HIBADH: variants seen among roughly 807,000 people sequenced by gnomAD.
HIBADH encodes the protein 3-hydroxyisobutyrate dehydrogenase, mitochondrial.
HIBADH carries 25 observed loss-of-function variants against 36.1 expected under a neutral mutation model. The observed-to-expected ratio is 0.69, with a 90% confidence interval of 0.50 to 0.97. The LOEUF (loss-of-function observed/expected upper bound fraction) is 0.97, where lower values mean the gene tolerates loss of function less well. Among genes scored for constraint, HIBADH ranks in the 50% least tolerant of loss-of-function variants. The pLI is 0.00. For synonymous variants in HIBADH, 160 were observed against 149.5 expected, an observed-to-expected ratio of 1.07 and a Z score of -0.51; for missense variants, 421 against 418.0, an observed-to-expected ratio of 1.01 and a Z score of -0.06.
chr7:27,558,260 TTTCTC>T (rs1784420870), intron 4 of HIBADH, among the ~76,000 whole-genome samples: 1 of 152,196 alleles, frequency 6.6e-6, no homozygotes, highest in African/African-American at 2.4e-5. Context: ...ATTTGTCACA[TTTCTC>T]TTCTTATTTA....
At chr7:27,632,518 A>G in intron 2 of HIBADH, 73 bp from the exon 3 acceptor site, 3 of 922,092 alleles carry the variant, frequency 3.3e-6, no homozygotes, top group Non-Finnish European at 5.3e-6. Flanking sequence ...AACAGGATCC[A>G]CTTTTCATGC....
chr7:27,542,659 C>T (rs1249863567), intron 5 of HIBADH, among the ~76,000 whole-genome samples: 2 of 151,498 alleles, frequency 1.3e-5, no homozygotes, highest in Non-Finnish European at 2.9e-5. Context: ...ACTATGTTGC[C>T]CTGGCTGGTG....
intron 5 of HIBADH, among the ~76,000 whole-genome samples, chr7:27,538,929 G>A (rs1562614102): frequency 6.6e-6 from 1 of 152,064 alleles, no homozygotes; most frequent in Non-Finnish European, 1.5e-5. Flanking sequence ...AGGAGATCCG[G>A]GGCGAAGGGT....
chr7:27,549,989 C>T (rs1241696974), intron 4 of HIBADH, among the ~76,000 whole-genome samples: 3 of 152,144 alleles, frequency 2.0e-5, no homozygotes, highest in African/African-American at 7.2e-5. Context: ...CTCATTGCAA[C>T]CTCTGCCTCC....
At chr7:27,527,920 T>TTTTTTTTTTTTTTTTTTC in intron 7 of HIBADH, among the ~76,000 whole-genome samples, 1 of 90,378 alleles carries the variant, frequency 1.1e-5, no homozygotes, top group Non-Finnish European at 2.4e-5. Flanking sequence ...CACCCAGCGT[T>TTTTTTTTTTTTTTTTTTC]TTTTTTTTTT....
Position 27,644,076 on chromosome 7 carries a change from C to A in HIBADH, c.252+5397G>T, listed in dbSNP as rs141623392. Among the ~76,000 whole-genome samples the A allele has an allele frequency of 2.7e-3, 405 of 152,236 alleles. 2 individuals carry two copies. Among genetic ancestry groups the A allele is most frequent in the African/African-American group, 9.0e-3 (374 of 41,528 alleles). ...TTAATAGCTTCACTGACATATAATTCGCATACAATTCACCCATTTAAAGTA... is the reference window on the plus strand; with the variant it reads ...TTAATAGCTTCACTGACATATAATTAGCATACAATTCACCCATTTAAAGTA... On this transcript the variant is annotated intron_variant, in intron 2 of 7. Transcript: ENST00000265395.
At chr7:27,528,811 A>C (rs1275241423) in intron 7 of HIBADH, among the ~76,000 whole-genome samples, 1 of 152,086 alleles carries the variant, frequency 6.6e-6, no homozygotes, top group African/African-American at 2.4e-5. Flanking sequence ...AGTGTAGATG[A>C]AACAGCCTGC....
intron 4 of HIBADH, among the ~76,000 whole-genome samples, chr7:27,605,590 A>AG (rs1320117632): frequency 9.4e-6 from 1 of 106,618 alleles, no homozygotes; most frequent in Non-Finnish European, 2.2e-5. Context: ...GACAAGCAAA[A>AG]AAAAAAAAAA....
intron 4 of HIBADH, among the ~76,000 whole-genome samples, chr7:27,593,043 A>G (rs1405046251): frequency 6.6e-6 from 1 of 152,174 alleles, no homozygotes. Context: ...CTGACCTCCA[A>G]GAAAATCCAC....
chr7:27,652,663 C>G (rs1241953893), intron 1 of HIBADH, among the ~76,000 whole-genome samples: 1 of 152,194 alleles, frequency 6.6e-6, no homozygotes, highest in African/African-American at 2.4e-5. Context: ...AGGTCCACTT[C>G]CTCGTTTGCT....
intron 1 of HIBADH, among the ~76,000 whole-genome samples, chr7:27,656,140 C>T (rs1204429499): frequency 6.6e-6 from 1 of 152,074 alleles, no homozygotes; most frequent in Non-Finnish European, 1.5e-5. Flanking sequence ...CCATTTCATT[C>T]ATCTACTCTA....
At chr7:27,546,548 G>C (rs188408850) in intron 4 of HIBADH, among the ~76,000 whole-genome samples, 1 of 152,076 alleles carries the variant, frequency 6.6e-6, no homozygotes, top group African/African-American at 2.4e-5. Context: ...AAGTATTAGC[G>C]GGTTTGGGCC....
At chr7:27,609,074 A>G (rs904303864) in intron 4 of HIBADH, among the ~76,000 whole-genome samples, 1 of 152,236 alleles carries the variant, frequency 6.6e-6, no homozygotes, top group Non-Finnish European at 1.5e-5. Context: ...ATTTTTAGAA[A>G]TAAAGTAGCT....
At chr7:27,577,661 TTA>T (rs1477877221) in intron 4 of HIBADH, among the ~76,000 whole-genome samples, 1 of 152,150 alleles carries the variant, frequency 6.6e-6, no homozygotes, top group Non-Finnish European at 1.5e-5. Flanking sequence ...TTTGGGTGTG[TTA>T]TTAAAAGGAT....
Position 27,538,355 on chromosome 7 carries a change from C to G in HIBADH, c.681G>C (p.Met227Ile), listed in dbSNP as rs2128183784. The G allele has an allele frequency of 1.9e-6, 3 of 1,612,554 alleles. No individual in the cohort carries two copies. The highest frequency in any genetic ancestry group is 2.7e-5 in the African/African-American group (2 of 74,984). Reference protein sequence around the residue: ...AISMIGTAEAMNLGIRLGLDP... With the variant: ...AISMIGTAEAINLGIRLGLDP... ...ATTCAACAAACCTGATTCCAAGATT[C>G]ATAGCTTCAGCAGTTCCAATCATAC... Residue 227 changes from methionine to isoleucine, a missense_variant, in exon 6 of 8, where the codon ATG becomes ATC. Physicochemically the swap from Met to Ile is conservative, Grantham distance 10 (BLOSUM62 1). Transcript: ENST00000265395.
chr7:27,657,162 A>G (rs2128298031), intron 1 of HIBADH, among the ~76,000 whole-genome samples: 1 of 152,114 alleles, frequency 6.6e-6, no homozygotes, highest in Middle Eastern at 3.4e-3. Context: ...GTGACTCTCC[A>G]TATCACCAAG....
At chr7:27,551,440 A>C (rs1372701277) in intron 4 of HIBADH, among the ~76,000 whole-genome samples, 1 of 152,214 alleles carries the variant, frequency 6.6e-6, no homozygotes, top group African/African-American at 2.4e-5. Flanking sequence ...TATTACACAA[A>C]TGTTATAAAA....
intron 4 of HIBADH, among the ~76,000 whole-genome samples, chr7:27,583,812 T>C (rs531518412): frequency 2.6e-5 from 4 of 152,150 alleles, no homozygotes; most frequent in African/African-American, 9.6e-5. Flanking sequence ...TGGTATTTAC[T>C]GTATTAGAAA....
chr7:27,543,132 A>C (rs532631126), intron 4 of HIBADH, 32 bp from the exon 5 acceptor site: 1 of 1,608,380 alleles, frequency 6.2e-7, no homozygotes, highest in Admixed American at 1.7e-5. Context: ...GGATAGAAGC[A>C]AAAGAATATA....
Sources: allele counts gnomAD v4.1 joint callset (sites outside exome capture counted in the v4.1 genomes callset), GRCh38; gene constraint gnomAD v4.1.1; transcripts MANE v1.5; gene names NCBI Gene and HGNC (gene_info 2026-07-23, HGNC 2026-07-21).